PIK3C2G: variants seen among roughly 807,000 people sequenced by gnomAD.
The protein encoded by PIK3C2G is phosphatidylinositol-4-phosphate 3-kinase catalytic subunit type 2 gamma.
A neutral mutation model predicts 181.1 loss-of-function variants in PIK3C2G; 168 were observed. That is an observed-to-expected ratio of 0.93 (90% CI 0.82 to 1.05). The LOEUF is 1.05. Ranked by LOEUF, PIK3C2G falls within the 50% of genes least tolerant of loss-of-function variation. The pLI is 0.00. For missense variants in PIK3C2G, 1,869 were observed against 1,732.8 expected (o/e 1.08, Z -1.40); for synonymous variants, 573 against 592.2 (o/e 0.97, Z 0.47).
chr12:18,541,077 C>G (rs140131383), intron 25 of PIK3C2G, among the ~76,000 whole-genome samples: 1 of 151,862 alleles, frequency 6.6e-6, no homozygotes, highest in East Asian at 1.9e-4. Context: ...TGTCTCAACC[C>G]GACTCTTTTA....
At chr12:18,450,215 C>G (rs1021572460) in intron 18 of PIK3C2G, among the ~76,000 whole-genome samples, 1 of 152,236 alleles carries the variant, frequency 6.6e-6, no homozygotes, top group Non-Finnish European at 1.5e-5. Flanking sequence ...CAACCTCCAC[C>G]TCCTGGGTTC....
intron 29 of PIK3C2G, among the ~76,000 whole-genome samples, chr12:18,577,633 G>C (rs1274756991): frequency 6.6e-6 from 1 of 152,142 alleles, no homozygotes; most frequent in Non-Finnish European, 1.5e-5. Flanking sequence ...TAACACTGGA[G>C]TTTCAAGGAG....
chr12:18,602,159 C>G (rs562120874), intron 30 of PIK3C2G, among the ~76,000 whole-genome samples: 1 of 152,144 alleles, frequency 6.6e-6, no homozygotes, highest in Non-Finnish European at 1.5e-5. Context: ...GAGCCTGACT[C>G]GCCCTCCACC....
chr12:18,488,415 C>T (rs766661772), intron 18 of PIK3C2G, 34 bp from the exon 19 acceptor site: 2 of 1,408,856 alleles, frequency 1.4e-6, no homozygotes, highest in Non-Finnish European at 9.4e-7. Context: ...ATTAGCTTTA[C>T]ATACAAGAAT....
At chr12:18,531,061 T>G (rs544961941) in intron 24 of PIK3C2G, among the ~76,000 whole-genome samples, 1 of 152,294 alleles carries the variant, frequency 6.6e-6, no homozygotes, top group African/African-American at 2.4e-5. Context: ...AAGTATCTTC[T>G]TCACATGCCT....
At chr12:18,637,876 G>A (rs569385367) in intron 31 of PIK3C2G, among the ~76,000 whole-genome samples, 1 of 152,250 alleles carries the variant, frequency 6.6e-6, no homozygotes, top group African/African-American at 2.4e-5. Context: ...CCACCTTTTG[G>A]TCCATGTGTC....
At chr12:18,389,758 A>G (rs1446131600) in intron 14 of PIK3C2G, among the ~76,000 whole-genome samples, 2 of 152,184 alleles carry the variant, frequency 1.3e-5, no homozygotes, top group Non-Finnish European at 2.9e-5. Context: ...CAATTTGATA[A>G]AAGATCTCAC....
chr12:18,554,961 T>C (rs1023647786), intron 26 of PIK3C2G, among the ~76,000 whole-genome samples: 1 of 152,078 alleles, frequency 6.6e-6, no homozygotes, highest in African/African-American at 2.4e-5. Context: ...GAAATGAAGT[T>C]TGAGATTTAG....
intron 6 of PIK3C2G, among the ~76,000 whole-genome samples, chr12:18,315,487 A>G (rs1950820505): frequency 6.6e-6 from 1 of 152,218 alleles, no homozygotes; most frequent in Non-Finnish European, 1.5e-5. Context: ...TGCTAAAATA[A>G]TAACTTATCG....
At chr12:18,345,396 A>T (rs1248983499) in intron 10 of PIK3C2G, among the ~76,000 whole-genome samples, 1 of 152,226 alleles carries the variant, frequency 6.6e-6, no homozygotes, top group Non-Finnish European at 1.5e-5. Context: ...AATTTAAGAA[A>T]TATAACAAAT....
intron 22 of PIK3C2G, among the ~76,000 whole-genome samples, chr12:18,501,916 A>G (rs59599807): frequency 0.21 from 32,522 of 152,148 alleles, 4,251 homozygotes; most frequent in African/African-American, 0.36. Context: ...TGAAACACTC[A>G]GCAACCATGT....
intron 18 of PIK3C2G, among the ~76,000 whole-genome samples, chr12:18,438,037 A>G (rs921144381): frequency 6.6e-6 from 1 of 151,908 alleles, no homozygotes; most frequent in Non-Finnish European, 1.5e-5. Flanking sequence ...GGATTAAGCA[A>G]TATGTGTTTT....
At chr12:18,494,858 T>C (rs1940873792) in intron 20 of PIK3C2G, among the ~76,000 whole-genome samples, 1 of 152,120 alleles carries the variant, frequency 6.6e-6, no homozygotes. Flanking sequence ...AGATAAAACA[T>C]CTACATCTAT....
chr12:18,287,549 A>G (rs1354394449), intron 3 of PIK3C2G, among the ~76,000 whole-genome samples: 4 of 152,212 alleles, frequency 2.6e-5, no homozygotes, highest in Admixed American at 2.0e-4. Context: ...AGGGTTTCTG[A>G]AAGTTTTGAA....
the PIK3C2G span, among the ~76,000 whole-genome samples, chr12:18,660,043 T>C: frequency 6.6e-6 from 1 of 152,078 alleles, no homozygotes; most frequent in African/African-American, 2.4e-5. Flanking sequence ...GCACCAAAAA[T>C]TTATCTCCCC....
At chr12:18,622,745 C>A (rs1948919018) in intron 31 of PIK3C2G, among the ~76,000 whole-genome samples, 1 of 151,796 alleles carries the variant, frequency 6.6e-6, no homozygotes, top group Admixed American at 6.6e-5. Flanking sequence ...AATAGCTATT[C>A]TAACAGGTGT....
chr12:18,473,327 T>C (rs965500318), intron 18 of PIK3C2G, among the ~76,000 whole-genome samples: 1 of 152,222 alleles, frequency 6.6e-6, no homozygotes, highest in African/African-American at 2.4e-5. Flanking sequence ...GGAAAAACAC[T>C]GAAAAATAAT....
intron 29 of PIK3C2G, among the ~76,000 whole-genome samples, chr12:18,577,763 T>C (rs1565526241): frequency 6.6e-6 from 1 of 152,170 alleles, no homozygotes; most frequent in South Asian, 2.1e-4. Context: ...ATAATGAATA[T>C]TTAGGGTACC....
At chr12:18,597,282 T>C (rs34034637) in intron 30 of PIK3C2G, among the ~76,000 whole-genome samples, 30,432 of 151,854 alleles carry the variant, frequency 0.2, 3,026 homozygotes, top group South Asian at 0.21. Context: ...TATCCACTTA[T>C]GAAACAAGTA....
Sources: allele counts gnomAD v4.1 joint callset (sites outside exome capture counted in the v4.1 genomes callset), GRCh38; gene constraint gnomAD v4.1.1; transcripts MANE v1.5; gene names NCBI Gene and HGNC (gene_info 2026-07-23, HGNC 2026-07-21).